TMEM163: variants seen among roughly 807,000 people sequenced by gnomAD.
TMEM163 encodes the protein transmembrane protein 163.
TMEM163 carries 17 observed loss-of-function variants against 29.3 expected under a neutral mutation model. That is an observed-to-expected ratio of 0.58 (90% CI 0.40 to 0.87). TMEM163 has a LOEUF of 0.87. Among genes scored for constraint, TMEM163 ranks in the 40% least tolerant of loss-of-function variants. TMEM163 has a pLI of 0.00. For synonymous variants in TMEM163, 157 were observed against 160.6 expected, an observed-to-expected ratio of 0.98 and a Z score of 0.17; for missense variants, 303 against 381.5, an observed-to-expected ratio of 0.79 and a Z score of 1.71.
intron 2 of TMEM163, among the ~76,000 whole-genome samples, chr2:134,630,360 GA>G (rs34324088): frequency 1.3e-5 from 2 of 149,118 alleles, no homozygotes; most frequent in Non-Finnish European, 1.5e-5. Context: ...TTTCCAAAAA[GA>G]AAAAAAAAAA....
At chr2:134,462,162 G>GTCTC (rs58581077) in intron 6 of TMEM163, among the ~76,000 whole-genome samples, 1 of 151,312 alleles carries the variant, frequency 6.6e-6, no homozygotes, top group Non-Finnish European at 1.5e-5. Flanking sequence ...TCTGCTCTCT[G>GTCTC]TCTCTCTCTC....
intron 2 of TMEM163, among the ~76,000 whole-genome samples, chr2:134,585,709 T>TC (rs1364701931): frequency 1.4e-5 from 2 of 147,490 alleles, no homozygotes; most frequent in Non-Finnish European, 3.0e-5. Flanking sequence ...GCCACTGCAC[T>TC]CCAGCCTGGG....
At position 134,539,319 on chromosome 2, in the gene TMEM163, C is replaced by T. The variant is rs143908989; in HGVS notation, c.458+11251G>A. On this transcript the variant is annotated intron_variant, in intron 4 of 7. Transcript: ENST00000281924. Reference sequence around the variant, plus strand: ...CAAGAGATGGGGAGAAAAAAAGTCACCAGAATTCCATTCGATGCAATTTCA... The same window carrying T: ...CAAGAGATGGGGAGAAAAAAAGTCATCAGAATTCCATTCGATGCAATTTCA... Among the ~76,000 whole-genome samples the T allele has an allele frequency of 2.1e-3, 324 of 152,286 alleles. 1 individual carries two copies. The highest frequency in any genetic ancestry group is 7.6e-3 in the African/African-American group (315 of 41,552).
At chr2:134,672,614 CG>C (rs774754803) in intron 2 of TMEM163, among the ~76,000 whole-genome samples, 3 of 151,960 alleles carry the variant, frequency 2.0e-5, no homozygotes, top group Non-Finnish European at 4.4e-5. Context: ...TGGACTAAAG[CG>C]ATCCTCCCAC....
intron 2 of TMEM163, among the ~76,000 whole-genome samples, chr2:134,646,591 T>A (rs189200661): frequency 4.1e-4 from 63 of 152,164 alleles, no homozygotes; most frequent in Non-Finnish European, 7.5e-4. Flanking sequence ...ATTACAGGTG[T>A]GCATCACCAT....
intron 7 of TMEM163, 152 bp from the exon 8 acceptor site, chr2:134,456,928 G>A: frequency 3.9e-6 from 3 of 775,642 alleles, no homozygotes; most frequent in Non-Finnish European, 6.3e-6. Flanking sequence ...TCATCCATTT[G>A]TGTTATCTCA....
In TMEM163 at chr2:134,636,972, C is replaced by A. The variant is rs553665929; in HGVS notation, c.322+76228G>T. ...CAGCACTTCTGACTCACTGGCCCCC[C>A]ACCCACCACATTATCCTTAAAAACT... is the stretch of plus-strand genomic sequence containing the variant. On this transcript the variant is annotated intron_variant, in intron 2 of 7. Coordinates refer to ENST00000281924, the MANE Select transcript of TMEM163 (RefSeq NM_030923.5). Among the ~76,000 whole-genome samples, 57 of 152,296 alleles carry A rather than the reference C, an allele frequency of 3.7e-4. No individual in the cohort carries two copies. The South Asian group carries it at 0.012, about 32-fold the overall frequency.
chr2:134,595,145 G>C (rs1197260174), intron 2 of TMEM163, among the ~76,000 whole-genome samples: 1 of 151,094 alleles, frequency 6.6e-6, no homozygotes, highest in Non-Finnish European at 1.5e-5. Flanking sequence ...TTAAGTTCTA[G>C]GGTACATGTG....
intron 2 of TMEM163, among the ~76,000 whole-genome samples, chr2:134,614,760 A>G (rs1032567127): frequency 5.3e-5 from 8 of 152,134 alleles, no homozygotes; most frequent in African/African-American, 1.9e-4. Flanking sequence ...AGGCTGAGGA[A>G]GGAGAATCAC....
At chr2:134,471,489 A>T (rs1222549545) in intron 5 of TMEM163, among the ~76,000 whole-genome samples, 1 of 152,234 alleles carries the variant, frequency 6.6e-6, no homozygotes, top group Non-Finnish European at 1.5e-5. Context: ...CTCTGCTGGC[A>T]CATTCATTGT....
intron 2 of TMEM163, among the ~76,000 whole-genome samples, chr2:134,576,095 G>A (rs1332425340): frequency 4.6e-5 from 7 of 152,180 alleles, no homozygotes; most frequent in African/African-American, 1.4e-4. Context: ...GGCCACAGAC[G>A]TGTCCAAGAA....
intron 4 of TMEM163, among the ~76,000 whole-genome samples, chr2:134,548,709 T>A (rs1680842662): frequency 6.6e-6 from 1 of 152,222 alleles, no homozygotes; most frequent in Admixed American, 6.5e-5. Context: ...TGGCTGCATA[T>A]ACATAATGAG....
intron 2 of TMEM163, among the ~76,000 whole-genome samples, chr2:134,653,223 CT>C (rs1180354457): frequency 1.3e-5 from 1 of 78,686 alleles, no homozygotes; most frequent in Admixed American, 1.3e-4. Flanking sequence ...ACAATTTCAG[CT>C]CCTGTTATTG....
chr2:134,517,215 G>A (rs1388094077), intron 4 of TMEM163, among the ~76,000 whole-genome samples: 2 of 152,166 alleles, frequency 1.3e-5, no homozygotes, highest in Non-Finnish European at 2.9e-5. Flanking sequence ...AATTCCCTGA[G>A]GCAAACACCC....
intron 2 of TMEM163, among the ~76,000 whole-genome samples, chr2:134,571,726 T>C (rs1200918127): frequency 6.6e-6 from 1 of 152,122 alleles, no homozygotes; most frequent in African/African-American, 2.4e-5. Flanking sequence ...CCTCTCCCAG[T>C]GGAGTCACAG....
chr2:134,503,174 C>A (rs1344228576), intron 4 of TMEM163, among the ~76,000 whole-genome samples, 177 bp from the exon 5 acceptor site: 1 of 152,216 alleles, frequency 6.6e-6, no homozygotes, highest in East Asian at 1.9e-4. Context: ...TAGGAGAATA[C>A]AGTTCAGAGT....
rs560314836 is a variant in TMEM163 at position 134,692,572 on chromosome 2, G to T, written c.322+20628C>A. On this transcript the variant is annotated intron_variant, in intron 2 of 7. Coordinates refer to ENST00000281924, the MANE Select transcript of TMEM163 (RefSeq NM_030923.5). ...AGTCCAAGATCCAGGGGCTGGGAGG[G>T]TTGGTGTCTGGGGAGGGCTCCCCGT... 9.8e-5 allele frequency among the ~76,000 whole-genome samples: 15 copies of T among 152,292 alleles called. No homozygotes were observed. In the South Asian group the frequency reaches 3.1e-3, roughly 32 times the overall value.
chr2:134,633,676 T>G (rs1002534737), intron 2 of TMEM163, among the ~76,000 whole-genome samples: 1 of 151,942 alleles, frequency 6.6e-6, no homozygotes, highest in African/African-American at 2.4e-5. Flanking sequence ...ATATGCCTGG[T>G]TTAGGCCACA....
intron 4 of TMEM163, among the ~76,000 whole-genome samples, chr2:134,537,945 C>A (rs1255387361): frequency 6.6e-6 from 1 of 152,158 alleles, no homozygotes; most frequent in Non-Finnish European, 1.5e-5. Context: ...TGGCTGGAAC[C>A]AAAAAGACAG....
Sources: gnomAD v4.1 joint callset for allele counts (sites outside exome capture counted in the v4.1 genomes callset) on GRCh38, gnomAD v4.1.1 for gene constraint, MANE v1.5 for transcripts, NCBI Gene and HGNC (gene_info 2026-07-23, HGNC 2026-07-21) for gene names.